ERMAP: variants seen among roughly 807,000 people sequenced by gnomAD.
The protein encoded by ERMAP is erythroblast membrane associated protein (Scianna blood group), also known as erythroid membrane-associated protein.
A neutral mutation model predicts 49.5 loss-of-function variants in ERMAP; 34 were observed. The ratio of observed to expected loss-of-function variants is 0.69; its 90% CI spans 0.52 to 0.91. The LOEUF is 0.91. Ranked by LOEUF, ERMAP falls within the 40% of genes least tolerant of loss-of-function variation. ERMAP has a pLI of 0.00. For missense variants in ERMAP, 541 were observed against 582.6 expected (o/e 0.93, Z 0.74); for synonymous variants, 214 against 232.2 (o/e 0.92, Z 0.71).
Position 42,844,362 on chromosome 1 carries a change from G to T in ERMAP, c.*1130G>T. 1 of 374,834 alleles carries T rather than the reference G, an allele frequency of 2.7e-6. No homozygotes were observed. The highest frequency in any genetic ancestry group is 4.7e-6 in the Non-Finnish European group (1 of 211,696). The allele number at this position is 374,834 out of a possible 1,614,324, so 23.2% of individuals were successfully genotyped here. A position where few individuals can be genotyped will look rare whatever the true frequency, so the allele number is the denominator to read the frequency against. ...AGATATTGGTTATCAGTTTGCAGAT[G>T]AATACACAGTTCTATCCAACAGAAA... On this transcript the variant is annotated 3_prime_UTR_variant, in exon 12 of 12. Transcript: ENST00000372517. The surrounding 1 kb of genome is among the most constrained non-coding windows in gnomAD (Gnocchi z 4.0).
intron 6 of ERMAP, among the ~76,000 whole-genome samples, chr1:42,836,738 C>T (rs1654911269): frequency 6.6e-6 from 1 of 151,838 alleles, no homozygotes; most frequent in Admixed American, 6.6e-5. Context: ...TGCCTGTAAT[C>T]CCAGCTACTC....
chr1:42,830,260 CACA>C, intron 2 of ERMAP, 181 bp from the exon 3 acceptor site: 1 of 597,032 alleles, frequency 1.7e-6, no homozygotes, highest in Non-Finnish European at 3.0e-6. Context: ...GATGAAGAAA[CACA>C]GTCTCAGAGA....
Position 42,842,533 on chromosome 1 carries a change from C to T in ERMAP, c.729C>T (p.Asp243=). The T allele has an allele frequency of 6.2e-7, 1 of 1,613,334 alleles. No individual in the cohort carries two copies. The highest frequency in any genetic ancestry group is 8.5e-7 in the Non-Finnish European group (1 of 1,179,612). ...ARLHFVAVTL[D]PDTAHPKLIL... is the part of the protein sequence containing the mutation. ...TCTTTGCAGTGGCAGTGACCCTGGA[C>T]CCAGACACAGCACATCCCAAACTCA... The change falls in exon 12 of 12, where the codon GAC becomes GAT. Residue 243 remains aspartate (D), a synonymous_variant. Transcript: ENST00000372517.
Position 42,843,215 on chromosome 1 carries a change from A to C in ERMAP, c.1411A>C (p.Lys471Gln). ...PDLGPALQEL[K>Q]APSF is the part of the protein sequence containing the mutation. ...CCTTGGCCCAGCCCTTCAGGAGCTCAAGGCTCCTTCTTTTTAGGGATATGC... is the reference window on the plus strand; with the variant it reads ...CCTTGGCCCAGCCCTTCAGGAGCTCCAGGCTCCTTCTTTTTAGGGATATGC... Residue 471 changes from lysine (K) to glutamine (Q), a missense_variant, in exon 12 of 12, where the codon AAG (lysine) becomes CAG (glutamine). Lys to Gln is a moderately conservative substitution (Grantham distance 53, BLOSUM62 1). Coordinates refer to ENST00000372517, the MANE Select transcript of ERMAP (RefSeq NM_001017922.2). 1 of 1,587,652 alleles carries C rather than the reference A, an allele frequency of 6.3e-7. No homozygotes were observed. Among genetic ancestry groups the C allele is most frequent in the Non-Finnish European group, 8.6e-7 (1 of 1,169,372 alleles).
rs1655154704 is a variant in ERMAP at position 42,844,375 on chromosome 1, T to C, written c.*1143T>C. ...CAGTTTGCAGATGAATACACAGTTC[T>C]ATCCAACAGAAACTGTATCTTTCTG... On this transcript the variant is annotated 3_prime_UTR_variant, in exon 12 of 12. Coordinates refer to ENST00000372517, the MANE Select transcript of ERMAP (RefSeq NM_001017922.2). The surrounding 1 kb of genome is among the most constrained non-coding windows in gnomAD (Gnocchi z 4.0). The C allele has an allele frequency of 2.8e-6, 1 of 361,554 alleles. No homozygotes were observed. The highest frequency in any genetic ancestry group is 4.9e-6 in the Non-Finnish European group (1 of 203,462). 22.4% of individuals were successfully genotyped at this position (361,554 alleles called of 1,614,324 possible).
At chr1:42,833,485 A>G (rs1048990620) in intron 4 of ERMAP, among the ~76,000 whole-genome samples, 5 of 152,164 alleles carry the variant, frequency 3.3e-5, no homozygotes, top group African/African-American at 1.2e-4. Context: ...CATGTCCCTA[A>G]GTAATATGAT....
intron 1 of ERMAP, among the ~76,000 whole-genome samples, chr1:42,821,498 A>G (rs1251137590): frequency 6.6e-6 from 1 of 152,198 alleles, no homozygotes; most frequent in Non-Finnish European, 1.5e-5. Context: ...TGTGATTTAG[A>G]CTATCTGATA....
At chr1:42,826,177 G>A (rs1654539281) in intron 2 of ERMAP, among the ~76,000 whole-genome samples, 1 of 151,864 alleles carries the variant, frequency 6.6e-6, no homozygotes, top group Admixed American at 6.5e-5. Context: ...TTTCCAACAT[G>A]TGTAGTGGAA....
chr1:42,843,625 A>G lies in ERMAP; in HGVS notation c.*393A>G. 1 of 187,988 alleles carries G rather than the reference A, an allele frequency of 5.3e-6. No homozygotes were observed. Among genetic ancestry groups the G allele is most frequent in the Admixed American group, 6.1e-5 (1 of 16,504 alleles). The allele number at this position is 187,988 out of a possible 1,614,324, so 11.6% of individuals were successfully genotyped here. ...AAGAAGTTATGGCCCCCAGTCCCTGACTTCTTACTTATCCCATTGAGGACT... is the reference window on the plus strand; with the variant it reads ...AAGAAGTTATGGCCCCCAGTCCCTGGCTTCTTACTTATCCCATTGAGGACT... On this transcript the variant is annotated 3_prime_UTR_variant, in exon 12 of 12. Transcript: ENST00000372517.
intron 1 of ERMAP, 121 bp downstream of exon 1, chr1:42,817,374 G>C (rs920272276): frequency 3.6e-6 from 2 of 560,566 alleles, no homozygotes; most frequent in Non-Finnish European, 4.7e-6. Flanking sequence ...GCTTCCGCCC[G>C]CAGGAGCGGC....
rs1183790460 is a variant in ERMAP at position 42,840,270 on chromosome 1, G to A, written c.686G>A (p.Gly229Asp). 1.9e-6 allele frequency: 3 copies of A among 1,613,912 alleles called. No individual in the cohort carries two copies. The African/African-American group carries it at 4.0e-5, about 22-fold the overall frequency. ...LKLKRAAANS[G>D]WRRARLHFVA... ...ATGATCCCCTTTTCTCATTTTTCAG[G>A]CTGGAGAAGAGCCCGGTTGCATTTT... Residue 229 changes from glycine to aspartate, a missense_variant and splice_region_variant, in exon 11 of 12, where the codon GGC becomes GAC. Transcript: ENST00000372517.
chr1:42,837,319 C>A, intron 7 of ERMAP, 129 bp downstream of exon 7: 2 of 1,008,112 alleles, frequency 2.0e-6, no homozygotes, highest in Non-Finnish European at 2.9e-6. Context: ...ATATATCCTC[C>A]ATTGATATTA....
chr1:42,841,267 T>A lies in ERMAP; in HGVS notation c.712+971T>A, dbSNP rs537949447. 5.9e-5 allele frequency among the ~76,000 whole-genome samples: 9 copies of A among 152,318 alleles called. No individual in the cohort carries two copies. In the East Asian group the frequency reaches 1.2e-3, roughly 20 times the overall value. On this transcript the variant is annotated intron_variant, in intron 11 of 11. Coordinates refer to ENST00000372517, the MANE Select transcript of ERMAP (RefSeq NM_001017922.2). ...TCTCAACTGTGTATGGTTTATAGAC[T>A]TAACTCTCTAAGAAGAAGCTGTTTC... is the stretch of plus-strand genomic sequence containing the variant.
At chr1:42,835,919 T>G (rs2124340212) in intron 6 of ERMAP, among the ~76,000 whole-genome samples, 155 bp downstream of exon 6, 1 of 152,340 alleles carries the variant, frequency 6.6e-6, no homozygotes, top group East Asian at 1.9e-4. Context: ...CTTCCAGTTT[T>G]TACTGCCTCT....
intron 4 of ERMAP, among the ~76,000 whole-genome samples, chr1:42,833,401 T>C (rs1654804401): frequency 6.6e-6 from 1 of 152,252 alleles, no homozygotes; most frequent in Non-Finnish European, 1.5e-5. Context: ...TGAGCATGTA[T>C]GTTTACACAT....
intron 5 of ERMAP, among the ~76,000 whole-genome samples, 154 bp from the exon 6 acceptor site, chr1:42,835,578 A>T (rs564171007): frequency 6.6e-6 from 1 of 152,080 alleles, no homozygotes; most frequent in South Asian, 2.1e-4. Context: ...CCCTTATCTG[A>T]TGGTTTGAAG....
At chr1:42,836,101 G>A (rs950770866) in intron 6 of ERMAP, among the ~76,000 whole-genome samples, 2 of 152,028 alleles carry the variant, frequency 1.3e-5, no homozygotes, top group African/African-American at 4.8e-5. Flanking sequence ...AGATTCTGGG[G>A]ATGCAATAGT....
chr1:42,832,662 C>T (rs911843984), intron 4 of ERMAP, among the ~76,000 whole-genome samples: 3 of 152,168 alleles, frequency 2.0e-5, no homozygotes, highest in Admixed American at 6.5e-5. Context: ...CCACCATGCC[C>T]AGCTGAAAAG....
At chr1:42,826,837 A>G (rs1196509736) in intron 2 of ERMAP, among the ~76,000 whole-genome samples, 1 of 139,682 alleles carries the variant, frequency 7.2e-6, no homozygotes, top group Non-Finnish European at 1.5e-5. Context: ...GCTTGGCGGC[A>G]GAGTGAAACT....
Sources: gnomAD v4.1 joint callset for allele counts (sites outside exome capture counted in the v4.1 genomes callset) on GRCh38, gnomAD v4.1.1 for gene constraint, Gnocchi (gnomAD v3.1) non-coding constraint, MANE v1.5 for transcripts, NCBI Gene and HGNC (gene_info 2026-07-23, HGNC 2026-07-21) for gene names.